The following PDE1C variants were observed in gnomAD, a reference collection of about 807,000 sequenced individuals.
PDE1C encodes phosphodiesterase 1C, also known as dual specificity calcium/calmodulin-dependent 3',5'-cyclic nucleotide phosphodiesterase 1C.
Under a neutral mutation model 93.1 loss-of-function variants are expected in PDE1C, and 62 were observed. The ratio of observed to expected loss-of-function variants is 0.67; its 90% CI spans 0.54 to 0.82. The LOEUF (loss-of-function observed/expected upper bound fraction) is 0.82, where lower values mean the gene tolerates loss of function less well. Among genes scored for constraint, PDE1C ranks in the 40% least tolerant of loss-of-function variants. The pLI, the probability that PDE1C is intolerant of heterozygous loss-of-function variation, is 0.00. For missense variants in PDE1C, 742 were observed against 884.6 expected (o/e 0.84, Z 2.04); for synonymous variants, 325 against 310.1 (o/e 1.05, Z -0.50).
chr7:32,049,358 T>C (rs1793032357), intron 2 of PDE1C, among the ~76,000 whole-genome samples: 1 of 152,234 alleles, frequency 6.6e-6, no homozygotes, highest in Non-Finnish European at 1.5e-5. Flanking sequence ...ACCACTCCCT[T>C]GGACCCAAGT....
chr7:31,773,065 C>A (rs1318224760), intron 17 of PDE1C, among the ~76,000 whole-genome samples: 2 of 152,292 alleles, frequency 1.3e-5, no homozygotes, highest in East Asian at 3.9e-4. Flanking sequence ...TTCCGTGCAC[C>A]CCTCAGGATG....
Position 32,396,296 on chromosome 7 carries a change from T to A in PDE1C, c.310+31526A>T, listed in dbSNP as rs546210097. On this transcript the variant is annotated intron_variant, in intron 1 of 1. Transcript: ENST00000672256. ...GAATTCAAGAGCAGCCAGGGCAACA[T>A]GGCAAAACCCTGTCTCTATAAAAAT... Among the ~76,000 whole-genome samples, 7 of 152,112 alleles carry A rather than the reference T, an allele frequency of 4.6e-5. No individual in the cohort carries two copies. In the East Asian group the frequency reaches 9.7e-4, roughly 21 times the overall value.
chr7:31,832,123 GA>G (rs1165348133), intron 11 of PDE1C, among the ~76,000 whole-genome samples: 1 of 152,042 alleles, frequency 6.6e-6, no homozygotes, highest in African/African-American at 2.4e-5. Flanking sequence ...TAAACAAAAA[GA>G]GAAACAATAA....
At chr7:32,139,300 C>CTTTTTTTT (rs34277412) in intron 3 of PDE1C, among the ~76,000 whole-genome samples, 44 of 82,962 alleles carry the variant, frequency 5.3e-4, no homozygotes, top group African/African-American at 1.3e-3. Context: ...CAAAATCAAC[C>CTTTTTTTT]TTTTTTTTTT....
chr7:32,229,561 A>G lies in PDE1C; in HGVS notation c.86-20022T>C, dbSNP rs76562982. Reference sequence around the variant, plus strand: ...TAGACCTTTATACGTCTCTTGGGATAATTTCAAGCATGTTCATATCAAGTT... The same window carrying G: ...TAGACCTTTATACGTCTCTTGGGATGATTTCAAGCATGTTCATATCAAGTT... On this transcript the variant is annotated intron_variant, in intron 1 of 18. Coordinates refer to the PDE1C transcript ENST00000396193. Among the ~76,000 whole-genome samples, 704 of 152,328 alleles carry G rather than the reference A, an allele frequency of 4.6e-3. 6 individuals carry two copies. The highest frequency in any genetic ancestry group is 0.016 in the African/African-American group (674 of 41,576).
At chr7:32,235,608 A>T (rs1808020430) in intron 1 of PDE1C, among the ~76,000 whole-genome samples, 1 of 152,062 alleles carries the variant, frequency 6.6e-6, no homozygotes, top group Non-Finnish European at 1.5e-5. Context: ...CATATACAGG[A>T]TTTGAGTGCT....
the PDE1C span, among the ~76,000 whole-genome samples, chr7:31,624,881 A>AG: frequency 6.6e-6 from 1 of 152,228 alleles, no homozygotes; most frequent in African/African-American, 2.4e-5. Flanking sequence ...CATCTGACAA[A>AG]GGGCTAATAT....
At chr7:32,419,937 G>A (rs1401749854) in intron 1 of PDE1C, among the ~76,000 whole-genome samples, 1 of 150,098 alleles carries the variant, frequency 6.7e-6, no homozygotes, top group East Asian at 2.0e-4. Context: ...TAAAAATGGG[G>A]TAATAGGCTG....
At chr7:32,252,739 C>T (rs777898402) in intron 1 of PDE1C, among the ~76,000 whole-genome samples, 2 of 152,156 alleles carry the variant, frequency 1.3e-5, no homozygotes, top group Non-Finnish European at 2.9e-5. Flanking sequence ...GTATTTGCAA[C>T]GTGTCAAGGA....
the PDE1C span, among the ~76,000 whole-genome samples, chr7:31,737,314 A>G: frequency 6.6e-6 from 1 of 152,092 alleles, no homozygotes; most frequent in East Asian, 1.9e-4. Context: ...ATAGAAAAAA[A>G]TATATAGATA....
intron 3 of PDE1C, among the ~76,000 whole-genome samples, chr7:32,164,679 G>C (rs868199685): frequency 6.6e-6 from 1 of 152,146 alleles, no homozygotes; most frequent in Non-Finnish European, 1.5e-5. Context: ...CACAGTCCTC[G>C]GCACATAGCA....
At chr7:32,088,775 C>A (rs963638161) in intron 3 of PDE1C, among the ~76,000 whole-genome samples, 3 of 151,892 alleles carry the variant, frequency 2.0e-5, no homozygotes, top group Admixed American at 6.6e-5. Flanking sequence ...AGGAAAGAAG[C>A]AGTGCGGAGA....
intron 2 of PDE1C, among the ~76,000 whole-genome samples, chr7:31,906,384 T>C (rs989695440): frequency 9.2e-5 from 14 of 152,340 alleles, no homozygotes; most frequent in Non-Finnish European, 1.8e-4. Context: ...CTTTTTGTAT[T>C]ACAGTAGAAG....
rs1795772375 is a variant in PDE1C, at chr7:31,775,613, C to A, written c.1960+51G>T. The stretch of plus-strand genomic sequence containing the variant: ...CAACCCAATTCCCGAGAAACCAGGC[C>A]TTTCCATTGTCTGTGGTCACTAAGA... On this transcript the variant is annotated intron_variant, in intron 17 of 17. Transcript: ENST00000396191. 8 of 1,482,912 alleles carry A rather than the reference C, an allele frequency of 5.4e-6. No individual in the cohort carries two copies. The East Asian group carries it at 1.8e-4, about 34-fold the overall frequency. 91.9% of individuals were successfully genotyped at this position (1,482,912 alleles called of 1,614,324 possible). A position where few individuals can be genotyped will look rare whatever the true frequency, so the allele number is the denominator to read the frequency against.
At chr7:31,874,347 T>A (rs1316745122) in intron 5 of PDE1C, among the ~76,000 whole-genome samples, 1 of 152,218 alleles carries the variant, frequency 6.6e-6, no homozygotes, top group African/African-American at 2.4e-5. Flanking sequence ...CAACAGTCAT[T>A]TGGCTTTTCA....
Position 32,128,946 on chromosome 7 carries a change from TATATATAA to T in PDE1C, c.308+40831_308+40838del, listed in dbSNP as rs1211267554. 3.1e-3 allele frequency among the ~76,000 whole-genome samples: 242 copies of T among 78,312 alleles called. 11 individuals carry two copies. Among genetic ancestry groups the T allele is most frequent in the African/African-American group, 0.012 (224 of 18,558 alleles). The allele number at this position is 78,312 out of a possible 152,430, so 51.4% of individuals were successfully genotyped here. ...ATATATATATATATATATATATATA[TATATATAA>T]AGAAAAATCTAAAAAAAACAGAAAA... On this transcript the variant is annotated intron_variant, in intron 3 of 18. Coordinates refer to the PDE1C transcript ENST00000396193.
upstream of PDE1C, among the ~76,000 whole-genome samples, chr7:32,299,918 C>T (rs566762214): frequency 1.3e-5 from 2 of 152,304 alleles, no homozygotes; most frequent in South Asian, 4.1e-4. Flanking sequence ...GTTCTGTGCT[C>T]AAGCTATTGT....
intron 3 of PDE1C, among the ~76,000 whole-genome samples, chr7:32,080,196 G>C (rs1258321546): frequency 6.6e-6 from 1 of 152,086 alleles, no homozygotes; most frequent in African/African-American, 2.4e-5. Context: ...GGGGACAACA[G>C]AAAAATATTG....
At chr7:32,416,181 C>T (rs1785273356) in intron 1 of PDE1C, among the ~76,000 whole-genome samples, 1 of 152,244 alleles carries the variant, frequency 6.6e-6, no homozygotes, top group African/African-American at 2.4e-5. Flanking sequence ...CTGGGCCACG[C>T]CAGCAGGACA....
Sources: gnomAD v4.1 joint callset for allele counts (sites outside exome capture counted in the v4.1 genomes callset) on GRCh38, gnomAD v4.1.1 for gene constraint, MANE v1.5 for transcripts, NCBI Gene and HGNC (gene_info 2026-07-23, HGNC 2026-07-21) for gene names.